EYS: variants seen among roughly 807,000 people sequenced by gnomAD.
EYS encodes the protein protein eyes shut homolog.
Under a neutral mutation model 282.1 loss-of-function variants are expected in EYS, and 250 were observed. The ratio of observed to expected loss-of-function variants is 0.89; its 90% CI spans 0.80 to 0.98. The LOEUF (loss-of-function observed/expected upper bound fraction) is 0.98. Ranked by LOEUF, EYS falls within the 50% of genes least tolerant of loss-of-function variation. The pLI, the probability that EYS is intolerant of heterozygous loss-of-function variation, is 0.00. For missense variants in EYS, 4,016 were observed against 3,709.0 expected, an observed-to-expected ratio of 1.08 and a Z score of -2.15; for synonymous variants, 1,355 against 1,282.9, an observed-to-expected ratio of 1.06 and a Z score of -1.20.
chr6:65,615,687 C>T (rs905314754), intron 2 of EYS, among the ~76,000 whole-genome samples: 1 of 152,058 alleles, frequency 6.6e-6, no homozygotes, highest in Non-Finnish European at 1.5e-5. Flanking sequence ...GTAATCCCAG[C>T]ACTTTGGGAG....
intron 33 of EYS, among the ~76,000 whole-genome samples, chr6:64,015,917 G>T (rs1014644073): frequency 8.5e-5 from 13 of 152,226 alleles, no homozygotes; most frequent in Non-Finnish European, 1.9e-4. Context: ...GGACTTCTTG[G>T]TTTCCAGGCT....
intron 10 of EYS, among the ~76,000 whole-genome samples, chr6:65,343,004 A>G (rs1241003161): frequency 2.0e-5 from 3 of 151,210 alleles, no homozygotes; most frequent in African/African-American, 7.3e-5. Context: ...GCTGTAATGT[A>G]ATCATCTATG....
chr6:64,898,851 A>T (rs1282108835), intron 18 of EYS, among the ~76,000 whole-genome samples: 1 of 151,852 alleles, frequency 6.6e-6, no homozygotes, highest in Non-Finnish European at 1.5e-5. Context: ...AAAATCAAAA[A>T]GACAAAGAAG....
chr6:63,840,565 G>C (rs990049577), intron 36 of EYS, among the ~76,000 whole-genome samples: 1 of 151,850 alleles, frequency 6.6e-6, no homozygotes, highest in Non-Finnish European at 1.5e-5. Context: ...GTCTATTTTT[G>C]CTTTTGTTGT....
At chr6:63,827,736 T>C (rs367697388) in intron 36 of EYS, among the ~76,000 whole-genome samples, 1,880 of 150,432 alleles carry the variant, frequency 0.012, 27 homozygotes, top group African/African-American at 0.044. Context: ...CCCAGCTACT[T>C]GGGAGGCTGA....
intron 12 of EYS, among the ~76,000 whole-genome samples, chr6:65,287,566 A>T (rs567268661): frequency 5.3e-5 from 8 of 151,470 alleles, no homozygotes; most frequent in Admixed American, 2.0e-4. Flanking sequence ...TTATGCAAAC[A>T]ATGTTTTGTA....
intron 12 of EYS, among the ~76,000 whole-genome samples, chr6:65,137,103 T>C (rs1776042668): frequency 6.6e-6 from 1 of 152,050 alleles, no homozygotes; most frequent in Non-Finnish European, 1.5e-5. Flanking sequence ...TCTAACCTTA[T>C]AGAAGAGTCC....
At chr6:64,550,537 C>G (rs1455023991) in intron 26 of EYS, among the ~76,000 whole-genome samples, 1 of 152,180 alleles carries the variant, frequency 6.6e-6, no homozygotes, top group Non-Finnish European at 1.5e-5. Flanking sequence ...GAAGCATTCC[C>G]TTTCAAAACT....
chr6:65,331,763 T>C, intron 11 of EYS: 1 of 974,546 alleles, frequency 1.0e-6, no homozygotes, highest in Non-Finnish European at 1.2e-6. Context: ...CTATGTGTCT[T>C]TTGTGGCTTA....
At chr6:64,808,925 G>A (rs1394787105) in intron 22 of EYS, among the ~76,000 whole-genome samples, 4 of 152,072 alleles carry the variant, frequency 2.6e-5, no homozygotes, top group African/African-American at 9.7e-5. Context: ...TTTAATAGTA[G>A]AGGAAGATAT....
intron 22 of EYS, among the ~76,000 whole-genome samples, chr6:64,712,846 A>C (rs1194130868): frequency 6.6e-6 from 1 of 152,226 alleles, no homozygotes; most frequent in Non-Finnish European, 1.5e-5. Flanking sequence ...GGTAAAACAG[A>C]AGACAACTAT....
At position 64,765,371 on chromosome 6, in the gene EYS, G is replaced by C. The variant is rs529930001; in HGVS notation, c.3443+48007C>G. ...GTCAAAGCCATGCCACAAGACTCTAGGAAGTTACAAGCTTACCTGCATCTT... is the reference window on the plus strand; with the variant it reads ...GTCAAAGCCATGCCACAAGACTCTACGAAGTTACAAGCTTACCTGCATCTT... On this transcript the variant is annotated intron_variant, in intron 22 of 42. Coordinates refer to ENST00000503581, the MANE Select transcript of EYS (RefSeq NM_001142800.2). Among the ~76,000 whole-genome samples, 15 of 152,288 alleles carry C rather than the reference G, an allele frequency of 9.8e-5. No individual in the cohort carries two copies. The East Asian group carries it at 2.9e-3, about 29-fold the overall frequency.
chr6:63,829,439 C>A (rs192529552), intron 36 of EYS, among the ~76,000 whole-genome samples: 1,883 of 152,278 alleles, frequency 0.012, 32 homozygotes, highest in African/African-American at 0.044. Context: ...TTGGAGGGTC[C>A]CACGCCCACA....
At chr6:64,997,438 G>T (rs1771303794) in intron 14 of EYS, 144 bp downstream of exon 14, 1 of 698,344 alleles carries the variant, frequency 1.4e-6, no homozygotes, top group Non-Finnish European at 2.2e-6. Context: ...AGTTGCTTGA[G>T]TTTCTGTTTT....
chr6:65,627,424 G>A lies in EYS; in HGVS notation c.-333+12354C>T, dbSNP rs562653892. ...CTCCTCTGCCTGGGCTCCCACTTTG[G>A]CGACACTTGAGGAGCCCTTCGGCCG... On this transcript the variant is annotated intron_variant, in intron 2 of 42. Coordinates refer to ENST00000503581, the MANE Select transcript of EYS (RefSeq NM_001142800.2). Among the ~76,000 whole-genome samples, 5 of 152,140 alleles carry A rather than the reference G, an allele frequency of 3.3e-5. 1 individual carries two copies. Among genetic ancestry groups the A allele is most frequent in the African/African-American group, 1.2e-4 (5 of 41,440 alleles).
At chr6:64,490,593 C>T (rs1172130793) in intron 26 of EYS, among the ~76,000 whole-genome samples, 1 of 150,760 alleles carries the variant, frequency 6.6e-6, no homozygotes, top group Non-Finnish European at 1.5e-5. Context: ...GTGAATGCTT[C>T]AAGTCAGATT....
Position 63,837,328 on chromosome 6 carries a change from A to AT in EYS, c.7228+26857dup, listed in dbSNP as rs149589506. ...ATCTGTGTAGAGAATTTTGTTACGG[A>AT]TTTTTTTTTCTTGCTGCATGGATAA... On this transcript the variant is annotated intron_variant, in intron 36 of 42. Coordinates refer to ENST00000503581, the MANE Select transcript of EYS (RefSeq NM_001142800.2). 5.6e-3 allele frequency among the ~76,000 whole-genome samples: 848 copies of AT among 151,336 alleles called. 3 individuals carry two copies. Among genetic ancestry groups the AT allele is most frequent in the Non-Finnish European group, 8.1e-3 (548 of 67,700 alleles).
intron 19 of EYS, among the ~76,000 whole-genome samples, chr6:64,869,650 T>G (rs1766530032): frequency 6.6e-6 from 1 of 151,340 alleles, no homozygotes; most frequent in South Asian, 2.1e-4. Context: ...CAAAGGAAAA[T>G]AGTGTAGCAT....
intron 1 of EYS, among the ~76,000 whole-genome samples, chr6:65,658,290 A>G: frequency 6.6e-6 from 1 of 151,650 alleles, no homozygotes; most frequent in East Asian, 1.9e-4. Context: ...GGACCCTATA[A>G]CAGAAAAATG....
Sources: allele counts gnomAD v4.1 joint callset (sites outside exome capture counted in the v4.1 genomes callset), GRCh38; gene constraint gnomAD v4.1.1; transcripts MANE v1.5; gene names NCBI Gene and HGNC (gene_info 2026-07-23, HGNC 2026-07-21).